Variants in GNA12 observed in about 807,000 individuals in gnomAD.
GNA12 encodes G protein subunit alpha 12.
GNA12 carries 9 observed loss-of-function variants against 26.0 expected under a neutral mutation model. The ratio of observed to expected loss-of-function variants is 0.35; its 90% CI spans 0.21 to 0.60. The LOEUF is 0.60. GNA12 is among the 20% of genes least tolerant of loss of function. The pLI, the probability that GNA12 is intolerant of heterozygous loss-of-function variation, is 0.78. For synonymous variants in GNA12, 264 were observed against 219.6 expected (o/e 1.20, Z -1.79); for missense variants, 405 against 525.8 (o/e 0.77, Z 2.25).
chr7:2,796,761 CAGGGTCAA>C (rs1167803401), intron 1 of GNA12, among the ~76,000 whole-genome samples: 1 of 152,184 alleles, frequency 6.6e-6, no homozygotes, highest in Non-Finnish European at 1.5e-5. Context: ...ACCTCATCAA[CAGGGTCAA>C]AGGGATGAAG....
intron 2 of GNA12, among the ~76,000 whole-genome samples, chr7:2,779,084 C>T (rs1300617688): frequency 6.6e-6 from 1 of 152,116 alleles, no homozygotes; most frequent in Non-Finnish European, 1.5e-5. Flanking sequence ...TGAGGCTGGG[C>T]GTGGTGGCTC....
At chr7:2,843,766 G>A in intron 1 of GNA12, 87 bp downstream of exon 1, 1 of 620,420 alleles carries the variant, frequency 1.6e-6, no homozygotes, top group South Asian at 3.0e-5. Context: ...GTCCCCGCCC[G>A]CGGCGGCGGA....
chr7:2,797,542 G>A (rs1433622657), intron 1 of GNA12, among the ~76,000 whole-genome samples: 1 of 150,588 alleles, frequency 6.6e-6, no homozygotes, highest in African/African-American at 2.4e-5. Context: ...ATGATTTTTA[G>A]TTGGCACTTA....
At position 2,731,643 on chromosome 7, in the gene GNA12, C is replaced by CA; in HGVS notation, c.683dup (p.Gly230ArgfsTer183). ...TCTGGCGCTGGGACCGCTGGCCGCCCACATCCACCATCTTAAAGGGGATCT... is the reference window on the plus strand; with the variant it reads ...TCTGGCGCTGGGACCGCTGGCCGCCCAACATCCACCATCTTAAAGGGGATCT... On this transcript the variant is annotated frameshift_variant, in exon 4 of 4. Coordinates refer to ENST00000275364, the MANE Select transcript of GNA12 (RefSeq NM_007353.3). LOFTEE classifies it high-confidence loss of function. The surrounding 1 kb of genome is among the most constrained non-coding windows in gnomAD (Gnocchi z 6.0). The CA allele has an allele frequency of 1.2e-6, 2 of 1,613,714 alleles. No individual in the cohort carries two copies. Among genetic ancestry groups the CA allele is most frequent in the Non-Finnish European group, 1.7e-6 (2 of 1,179,878 alleles).
intron 1 of GNA12, among the ~76,000 whole-genome samples, chr7:2,831,095 G>A (rs911166867): frequency 6.6e-6 from 1 of 151,908 alleles, no homozygotes; most frequent in Non-Finnish European, 1.5e-5. Context: ...TTGACTTGCT[G>A]TCCCAAGATG....
chr7:2,814,901 G>A (rs773059944), intron 1 of GNA12: 17 of 1,601,202 alleles, frequency 1.1e-5, no homozygotes, highest in Admixed American at 6.8e-5. Context: ...TCCTTGCTAG[G>A]CACGGCCTGG....
At chr7:2,748,319 C>T (rs1445097569) in intron 2 of GNA12, among the ~76,000 whole-genome samples, 5 of 152,116 alleles carry the variant, frequency 3.3e-5, no homozygotes, top group Admixed American at 3.3e-4. Context: ...GACACATAGA[C>T]CAATGGAACA....
intron 1 of GNA12, among the ~76,000 whole-genome samples, chr7:2,797,270 A>C (rs1792700112): frequency 6.6e-6 from 1 of 152,032 alleles, no homozygotes. Flanking sequence ...GTAGCCTCTC[A>C]AGGAGCTGGG....
rs1791316019 is a variant in GNA12, at chr7:2,756,717, CCT to C, written c.526-23218_526-23217del. On this transcript the variant is annotated intron_variant, in intron 2 of 3. Coordinates refer to ENST00000275364, the MANE Select transcript of GNA12 (RefSeq NM_007353.3). ...AAGATGAGCCTCGATGACAGACGCC[CCT>C]GTCTTTCCCTGGAGTGTGGAAGGGA... 4.6e-5 allele frequency among the ~76,000 whole-genome samples: 7 copies of C among 152,310 alleles called. No homozygotes were observed. The South Asian group carries it at 1.5e-3, about 32-fold the overall frequency.
intron 1 of GNA12, among the ~76,000 whole-genome samples, chr7:2,820,963 A>C (rs1793335695): frequency 6.6e-6 from 1 of 152,196 alleles, no homozygotes; most frequent in Non-Finnish European, 1.5e-5. Context: ...CTGGTCTTGA[A>C]CTGCTGACTT....
chr7:2,748,814 G>GA (rs1397199931), intron 2 of GNA12, among the ~76,000 whole-genome samples: 48 of 151,860 alleles, frequency 3.2e-4, no homozygotes, highest in Admixed American at 8.5e-4. Context: ...AAATTTACAA[G>GA]AAAAAAACAA....
At chr7:2,733,672 A>C (rs1380077875) in intron 2 of GNA12, among the ~76,000 whole-genome samples, 171 bp from the exon 3 acceptor site, 4 of 152,248 alleles carry the variant, frequency 2.6e-5, no homozygotes, top group Non-Finnish European at 4.4e-5. Context: ...AAAAACTACC[A>C]TTAAAGAAAA....
At chr7:2,808,697 C>T (rs1027584676) in intron 1 of GNA12, among the ~76,000 whole-genome samples, 2 of 152,166 alleles carry the variant, frequency 1.3e-5, no homozygotes, top group African/African-American at 4.8e-5. Context: ...CACTTGGGTC[C>T]GGCCACCACC....
intron 1 of GNA12, among the ~76,000 whole-genome samples, chr7:2,809,928 A>C (rs796873682): frequency 3.5e-4 from 53 of 152,338 alleles, no homozygotes; most frequent in African/African-American, 9.4e-4. Context: ...CATAGTAAAA[A>C]TTTCTATGAT....
At chr7:2,810,968 A>C (rs1287099269) in intron 1 of GNA12, among the ~76,000 whole-genome samples, 1 of 152,142 alleles carries the variant, frequency 6.6e-6, no homozygotes, top group Non-Finnish European at 1.5e-5. Flanking sequence ...GAGGCCCTGG[A>C]GCGCTCTCAT....
chr7:2,810,949 A>C (rs1425834701), intron 1 of GNA12, among the ~76,000 whole-genome samples: 1 of 151,994 alleles, frequency 6.6e-6, no homozygotes, highest in African/African-American at 2.4e-5. Flanking sequence ...ATGAGATAAC[A>C]TGTGGAAGGA....
intron 1 of GNA12, among the ~76,000 whole-genome samples, chr7:2,816,646 A>G (rs937153983): frequency 2.0e-5 from 3 of 152,388 alleles, no homozygotes; most frequent in African/African-American, 7.2e-5. Context: ...ACACAAATTG[A>G]ATAATTATCC....
At chr7:2,783,702 T>TTTATTTA (rs1562426080) in intron 2 of GNA12, among the ~76,000 whole-genome samples, 53 of 101,238 alleles carry the variant, frequency 5.2e-4, no homozygotes, top group South Asian at 1.5e-3. Flanking sequence ...TTATTTATTT[T>TTTATTTA]GAGATGTAGT....
At chr7:2,806,953 T>C (rs1301748322) in intron 1 of GNA12, among the ~76,000 whole-genome samples, 1 of 152,242 alleles carries the variant, frequency 6.6e-6, no homozygotes, top group Non-Finnish European at 1.5e-5. Context: ...CACACATTTT[T>C]GAGGTTTTGA....
Sources: gnomAD v4.1 joint callset for allele counts (sites outside exome capture counted in the v4.1 genomes callset) on GRCh38, gnomAD v4.1.1 for gene constraint, Gnocchi (gnomAD v3.1) non-coding constraint, MANE v1.5 for transcripts, NCBI Gene and HGNC (gene_info 2026-07-23, HGNC 2026-07-21) for gene names.